SPOCK1: variants seen among roughly 807,000 people sequenced by gnomAD.
The protein encoded by SPOCK1 is testican-1.
Under a neutral mutation model 55.3 loss-of-function variants are expected in SPOCK1, and 23 were observed. That is an observed-to-expected ratio of 0.42 (90% confidence interval 0.30 to 0.59). The LOEUF (loss-of-function observed/expected upper bound fraction) is 0.59, where lower values mean the gene tolerates loss of function less well. SPOCK1 is among the 20% of genes least tolerant of loss of function. The pLI, the probability that SPOCK1 is intolerant of heterozygous loss-of-function variation, is 0.22. For synonymous variants in SPOCK1, 226 were observed against 221.0 expected (o/e 1.02, Z -0.20); for missense variants, 499 against 552.5 (o/e 0.90, Z 0.97).
intron 2 of SPOCK1, among the ~76,000 whole-genome samples, chr5:137,485,108 T>C (rs1331073822): frequency 2.0e-5 from 3 of 152,220 alleles, no homozygotes; most frequent in Admixed American, 1.3e-4. Flanking sequence ...CTCTTCTGTA[T>C]CTTCTAACTT....
chr5:137,171,620 G>A (rs1754755892), intron 3 of SPOCK1, among the ~76,000 whole-genome samples: 1 of 152,036 alleles, frequency 6.6e-6, no homozygotes, highest in Admixed American at 6.6e-5. Context: ...GACCCAAGTA[G>A]TTGTTGGGAA....
intron 2 of SPOCK1, among the ~76,000 whole-genome samples, chr5:137,356,834 TATATAGAGAGAG>T (rs1750823056): frequency 2.1e-4 from 2 of 9,456 alleles, no homozygotes; most frequent in Non-Finnish European, 4.0e-4. Flanking sequence ...TATATATATA[TATATAGAGAGAG>T]AGAGAGAGAG....
chr5:137,010,717 A>G (rs1001789298), intron 6 of SPOCK1, among the ~76,000 whole-genome samples: 1 of 152,130 alleles, frequency 6.6e-6, no homozygotes, highest in African/African-American at 2.4e-5. Flanking sequence ...TTTATGAAAA[A>G]TATGGCCTAA....
At chr5:137,265,586 AGTTACAAAT>A (rs552743516) in intron 3 of SPOCK1, among the ~76,000 whole-genome samples, 30 of 152,322 alleles carry the variant, frequency 2.0e-4, no homozygotes, top group African/African-American at 6.5e-4. Flanking sequence ...TTCTAAACTA[AGTTACAAAT>A]GCCTTCATAT....
intron 9 of SPOCK1, 172 bp from the exon 10 acceptor site, chr5:136,979,641 GA>G: frequency 1.4e-6 from 1 of 731,644 alleles, no homozygotes; most frequent in Non-Finnish European, 2.2e-6. Context: ...TTAACCTTTA[GA>G]GGCCCAAACG....
At chr5:137,466,466 A>C (rs1753625873) in intron 2 of SPOCK1, among the ~76,000 whole-genome samples, 1 of 152,230 alleles carries the variant, frequency 6.6e-6, no homozygotes, top group African/African-American at 2.4e-5. Flanking sequence ...TCATAAAGTC[A>C]GGAGCCCTGG....
chr5:137,078,636 C>T (rs1288992708), intron 5 of SPOCK1, among the ~76,000 whole-genome samples: 1 of 152,128 alleles, frequency 6.6e-6, no homozygotes, highest in East Asian at 1.9e-4. Flanking sequence ...TTCATTTCCT[C>T]CTCACTAAAG....
chr5:137,298,882 A>G (rs1248662902), intron 2 of SPOCK1, among the ~76,000 whole-genome samples: 1 of 152,084 alleles, frequency 6.6e-6, no homozygotes, highest in African/African-American at 2.4e-5. Context: ...CCATTTCTCT[A>G]TATTTCAAGT....
At chr5:137,326,495 C>T (rs910505092) in intron 2 of SPOCK1, among the ~76,000 whole-genome samples, 7 of 152,166 alleles carry the variant, frequency 4.6e-5, no homozygotes. Context: ...AGCTGGTTGC[C>T]CTGGGTAATT....
chr5:136,979,607 C>A, intron 9 of SPOCK1, 138 bp from the exon 10 acceptor site: 2 of 1,137,788 alleles, frequency 1.8e-6, no homozygotes, highest in Non-Finnish European at 2.4e-6. Context: ...GGATGGTTGG[C>A]TATTAGTCAA....
intron 2 of SPOCK1, among the ~76,000 whole-genome samples, chr5:137,267,585 T>A (rs995320153): frequency 2.0e-5 from 3 of 152,232 alleles, no homozygotes; most frequent in Non-Finnish European, 4.4e-5. Context: ...ATACCATTTG[T>A]TCTGGGTATG....
chr5:137,083,322 A>C (rs1198918365), intron 5 of SPOCK1, among the ~76,000 whole-genome samples: 1 of 152,204 alleles, frequency 6.6e-6, no homozygotes, highest in African/African-American at 2.4e-5. Flanking sequence ...CCAGAGCAGC[A>C]GAGTGGCGGA....
At chr5:137,476,155 C>A (rs1753834288) in intron 2 of SPOCK1, among the ~76,000 whole-genome samples, 1 of 151,818 alleles carries the variant, frequency 6.6e-6, no homozygotes, top group Non-Finnish European at 1.5e-5. Flanking sequence ...AGCCTAGTAT[C>A]CAACAGTTAT....
intron 2 of SPOCK1, among the ~76,000 whole-genome samples, chr5:137,318,598 C>A (rs1343566809): frequency 6.6e-6 from 1 of 152,016 alleles, no homozygotes; most frequent in Non-Finnish European, 1.5e-5. Flanking sequence ...GTTTAGATGG[C>A]CAAGTGGGTT....
At chr5:137,182,411 C>A (rs778635861) in intron 3 of SPOCK1, among the ~76,000 whole-genome samples, 11 of 152,208 alleles carry the variant, frequency 7.2e-5, no homozygotes, top group Non-Finnish European at 1.6e-4. Flanking sequence ...TTTTCCTAAA[C>A]AATGTCTCAG....
chr5:137,250,438 G>A (rs1865402), intron 3 of SPOCK1, among the ~76,000 whole-genome samples: 10,257 of 152,190 alleles, frequency 0.067, 1,057 homozygotes, highest in African/African-American at 0.23. Context: ...TGCTCAGCAC[G>A]TACTAGTTTT....
At chr5:136,997,510 T>G (rs1418183554) in intron 6 of SPOCK1, among the ~76,000 whole-genome samples, 2 of 152,200 alleles carry the variant, frequency 1.3e-5, no homozygotes, top group African/African-American at 4.8e-5. Context: ...TCCCAGTTAT[T>G]CTGTAGGTTA....
chr5:137,089,962 T>C (rs1753025222), intron 5 of SPOCK1, among the ~76,000 whole-genome samples: 2 of 152,314 alleles, frequency 1.3e-5, no homozygotes, highest in South Asian at 4.1e-4. Context: ...ACTGGCAGGC[T>C]ACAGCATTTC....
chr5:137,135,314 C>T (rs1460275352), intron 4 of SPOCK1, among the ~76,000 whole-genome samples: 3 of 152,080 alleles, frequency 2.0e-5, no homozygotes, highest in Non-Finnish European at 2.9e-5. Context: ...CACCCTCTGC[C>T]CCACGATCTC....
Sources: gnomAD v4.1 joint callset for allele counts (sites outside exome capture counted in the v4.1 genomes callset) on GRCh38, gnomAD v4.1.1 for gene constraint, MANE v1.5 for transcripts, NCBI Gene and HGNC (gene_info 2026-07-23, HGNC 2026-07-21) for gene names.